GLYATL3: variants seen among roughly 807,000 people sequenced by gnomAD.
GLYATL3 encodes glycine N-acyltransferase-like protein 3.
Under a neutral mutation model 28.5 loss-of-function variants are expected in GLYATL3, and 31 were observed. That is an observed-to-expected ratio of 1.09 (90% CI 0.82 to 1.47). GLYATL3 has a LOEUF of 1.47. GLYATL3 is among the 40% of genes most tolerant of loss of function. The pLI, the probability that GLYATL3 is intolerant of heterozygous loss-of-function variation, is 0.00. For missense variants in GLYATL3, 369 were observed against 351.5 expected (o/e 1.05, Z -0.40); for synonymous variants, 141 against 140.2 (o/e 1.01, Z -0.04).
chr6:49,525,813 T>C (rs973764180), intron 5 of GLYATL3, among the ~76,000 whole-genome samples: 1 of 152,100 alleles, frequency 6.6e-6, no homozygotes, highest in East Asian at 1.9e-4. Context: ...CTGTGCATTA[T>C]AGTTCTAGGG....
chr6:49,521,729 T>C lies in GLYATL3; in HGVS notation c.398T>C (p.Val133Ala), dbSNP rs1330156826. The C allele has an allele frequency of 1.9e-6, 3 of 1,551,434 alleles. No homozygotes were observed. The highest frequency in any genetic ancestry group is 2.6e-6 in the Non-Finnish European group (3 of 1,146,862). ...LNIKLTSFKA[V>A]HFSPVSSLPD... The stretch of plus-strand genomic sequence containing the variant: ...ATAAAGCTAACTTCCTTCAAGGCTG[T>C]TCATTTTTCTCCTGTTTCATCTCTG... The change falls in exon 5 of 6, where the codon GTT becomes GCT. Residue 133 changes from valine (V) to alanine (A), a missense_variant. Val to Ala is a moderately conservative substitution (Grantham distance 64). Coordinates refer to ENST00000371197, the MANE Select transcript of GLYATL3 (RefSeq NM_001010904.2).
At chr6:49,509,956 TTC>T (rs752528987) in intron 1 of GLYATL3, among the ~76,000 whole-genome samples, 313 of 79,382 alleles carry the variant, frequency 3.9e-3, no homozygotes, top group Non-Finnish European at 7.3e-3. Context: ...TTCTCTTTCT[TTC>T]TTTCTTTCTT....
chr6:49,519,039 TG>T (rs1769269013), intron 4 of GLYATL3, among the ~76,000 whole-genome samples: 1 of 152,160 alleles, frequency 6.6e-6, no homozygotes, highest in Non-Finnish European at 1.5e-5. Context: ...CCAGTCACGC[TG>T]GTTAGAAATG....
chr6:49,517,171 A>AAG (rs1322421976), intron 3 of GLYATL3, among the ~76,000 whole-genome samples: 1 of 148,698 alleles, frequency 6.7e-6, no homozygotes, highest in East Asian at 2.0e-4. Flanking sequence ...AAAAAAAAAA[A>AAG]GAAAAGAAAG....
At chr6:49,514,615 G>C (rs907794625) in intron 2 of GLYATL3, among the ~76,000 whole-genome samples, 5 of 152,178 alleles carry the variant, frequency 3.3e-5, no homozygotes, top group Non-Finnish European at 5.9e-5. Flanking sequence ...AGGATCACTT[G>C]AACCCAGGAG....
intron 4 of GLYATL3, among the ~76,000 whole-genome samples, chr6:49,519,006 T>C (rs1420492888): frequency 2.0e-5 from 3 of 152,184 alleles, no homozygotes; most frequent in Admixed American, 1.3e-4. Flanking sequence ...CTCTAAACTA[T>C]CTCTCACCTT....
chr6:49,500,104 T>C (rs1768886273), intron 1 of GLYATL3, 62 bp downstream of exon 1: 1 of 152,132 alleles, frequency 6.6e-6, no homozygotes, highest in African/African-American at 2.4e-5. Context: ...CAGAAAGGGA[T>C]GGGAAAAATA....
chr6:49,527,126 G>A lies in GLYATL3; in HGVS notation c.*212G>A, dbSNP rs1769436595. ...GCTGTGGGGGTGAAGAGTAGCTGTG[G>A]CTGAAGACTGAGGACGATTGTCCTC... On this transcript the variant is annotated 3_prime_UTR_variant, in exon 6 of 6. Transcript: ENST00000371197. 2 of 517,338 alleles carry A rather than the reference G, an allele frequency of 3.9e-6. No homozygotes were observed. The highest frequency in any genetic ancestry group is 3.4e-6 in the Non-Finnish European group (1 of 293,894). 32.0% of individuals were successfully genotyped at this position (517,338 alleles called of 1,614,324 possible).
At chr6:49,524,609 G>A (rs988352369) in intron 5 of GLYATL3, among the ~76,000 whole-genome samples, 1 of 152,072 alleles carries the variant, frequency 6.6e-6, no homozygotes, top group African/African-American at 2.4e-5. Flanking sequence ...AAAGCTAGTG[G>A]CCTATACAAA....
In GLYATL3 at chr6:49,504,705, AAT is replaced by A. The variant is rs1240118370; in HGVS notation, c.-29+4666_-29+4667del. The stretch of plus-strand genomic sequence containing the variant: ...CTTGTGGGTTATAAGGAATATGAGT[AAT>A]ATGTTTAATATGCCACTGATGAAAA... On this transcript the variant is annotated intron_variant, in intron 1 of 5. Coordinates refer to ENST00000371197, the MANE Select transcript of GLYATL3 (RefSeq NM_001010904.2). Among the ~76,000 whole-genome samples, 3 of 152,192 alleles carry A rather than the reference AAT, an allele frequency of 2.0e-5. No homozygotes were observed. The East Asian group carries it at 5.8e-4, about 29-fold the overall frequency.
chr6:49,512,869 T>A (rs963291862), intron 2 of GLYATL3, among the ~76,000 whole-genome samples: 2 of 152,230 alleles, frequency 1.3e-5, no homozygotes, highest in African/African-American at 4.8e-5. Context: ...TCTAATGCAC[T>A]ATACTGTGTG....
Position 49,515,777 on chromosome 6 carries a change from TA to T in GLYATL3, c.186+22del. 2 of 1,368,722 alleles carry T rather than the reference TA, an allele frequency of 1.5e-6. No individual in the cohort carries two copies. The highest frequency in any genetic ancestry group is 2.0e-6 in the Non-Finnish European group (2 of 980,176). 84.8% of individuals were successfully genotyped at this position (1,368,722 alleles called of 1,614,324 possible). On this transcript the variant is annotated intron_variant, in intron 3 of 5. Transcript: ENST00000371197. ...CAAAGAGAGGTACAGTTTTGAAAGG[TA>T]AAAAGTTTAAAAATAATAAGAATTG...
intron 5 of GLYATL3, among the ~76,000 whole-genome samples, chr6:49,523,316 C>T (rs938721504): frequency 2.0e-5 from 3 of 152,148 alleles, no homozygotes; most frequent in African/African-American, 7.2e-5. Context: ...TCAGGGCCTC[C>T]CCAAATGATG....
At chr6:49,501,513 G>A (rs1175748667) in intron 1 of GLYATL3, among the ~76,000 whole-genome samples, 1 of 152,196 alleles carries the variant, frequency 6.6e-6, no homozygotes, top group East Asian at 1.9e-4. Flanking sequence ...TGGGGATGAA[G>A]TAATTCTTTA....
In GLYATL3 at chr6:49,520,201, C is replaced by T. The variant is rs542670243; in HGVS notation, c.314-1444C>T. On this transcript the variant is annotated intron_variant, in intron 4 of 5. Coordinates refer to ENST00000371197, the MANE Select transcript of GLYATL3 (RefSeq NM_001010904.2). The stretch of plus-strand genomic sequence containing the variant: ...TGTGAAAACTGCACAGCAAACACCT[C>T]GGTGTTTTAAACAAATAAACTGAAA... Among the ~76,000 whole-genome samples the T allele has an allele frequency of 1.3e-3, 190 of 150,188 alleles. 1 individual carries two copies. The highest frequency in any genetic ancestry group is 4.1e-3 in the African/African-American group (167 of 40,634).
At chr6:49,503,747 C>T (rs747730578) in intron 1 of GLYATL3, among the ~76,000 whole-genome samples, 1 of 152,192 alleles carries the variant, frequency 6.6e-6, no homozygotes, top group Non-Finnish European at 1.5e-5. Flanking sequence ...ATCAGAGATT[C>T]ATGTTTTGAT....
rs541591724 is a variant in GLYATL3 at position 49,527,625 on chromosome 6, G to A, written c.*711G>A. ...CAGCTTCCCACTGCTTATTTGCCTT[G>A]GATGAATGACAATATGGGCATTTTG... On this transcript the variant is annotated 3_prime_UTR_variant, in exon 6 of 6. Transcript: ENST00000371197. Among the ~76,000 whole-genome samples the A allele has an allele frequency of 6.6e-6, 1 of 152,180 alleles. No homozygotes were observed. Among genetic ancestry groups the A allele is most frequent in the South Asian group, 2.1e-4 (1 of 4,808 alleles).
intron 1 of GLYATL3, among the ~76,000 whole-genome samples, chr6:49,501,349 C>T (rs530003419): frequency 9.2e-5 from 14 of 152,190 alleles, no homozygotes; most frequent in African/African-American, 1.2e-4. Flanking sequence ...ATTGGCAGGT[C>T]GAGAAATAAG....
chr6:49,525,924 T>C (rs886609148), intron 5 of GLYATL3, among the ~76,000 whole-genome samples: 2 of 152,206 alleles, frequency 1.3e-5, no homozygotes, highest in African/African-American at 2.4e-5. Context: ...AGAAACACTT[T>C]CCTTAACCTG....
Sources: allele counts gnomAD v4.1 joint callset (sites outside exome capture counted in the v4.1 genomes callset), GRCh38; gene constraint gnomAD v4.1.1; transcripts MANE v1.5; gene names NCBI Gene and HGNC (gene_info 2026-07-23, HGNC 2026-07-21).